SKP2: variants seen among roughly 807,000 people sequenced by gnomAD.
The protein encoded by SKP2 is S-phase kinase associated protein 2, also known as S-phase kinase-associated protein 2.
A neutral mutation model predicts 51.8 loss-of-function variants in SKP2; 16 were observed. That is an observed-to-expected ratio of 0.31 (90% CI 0.21 to 0.47). The LOEUF (loss-of-function observed/expected upper bound fraction) is 0.47. Among genes scored for constraint, SKP2 ranks in the 20% least tolerant of loss-of-function variants. SKP2 has a pLI of 1.00. For missense variants in SKP2, 377 were observed against 505.3 expected (o/e 0.75, Z 2.43); for synonymous variants, 176 against 198.6 (o/e 0.89, Z 0.96).
At chr5:36,181,759 T>C in intron 9 of SKP2, 59 bp from the exon 10 acceptor site, 1 of 1,589,288 alleles carries the variant, frequency 6.3e-7, no homozygotes, top group Non-Finnish European at 8.6e-7. Context: ...GTCATATAAC[T>C]CTAGTCAAAC....
chr5:36,168,838 C>T (rs1445361127), intron 5 of SKP2, among the ~76,000 whole-genome samples: 2 of 152,166 alleles, frequency 1.3e-5, no homozygotes, highest in Admixed American at 1.3e-4. Flanking sequence ...TATTTATGAG[C>T]AAGACAGATA....
chr5:36,166,725 C>CATT, intron 4 of SKP2, 63 bp downstream of exon 4: 2 of 902,382 alleles, frequency 2.2e-6, no homozygotes, highest in Non-Finnish European at 3.3e-6. Context: ...CAGATCAAAG[C>CATT]TTTTTTTTTT....
chr5:36,185,541 T>C (rs1220167110), downstream of SKP2, among the ~76,000 whole-genome samples: 1 of 152,208 alleles, frequency 6.6e-6, no homozygotes. Context: ...TTTGTCAGGT[T>C]TGTCAAAGAT....
intron 1 of SKP2, 76 bp downstream of exon 1, chr5:36,152,346 C>T (rs1744759139): frequency 7.5e-7 from 1 of 1,339,300 alleles, no homozygotes; most frequent in Admixed American, 1.7e-5. Flanking sequence ...AATATCGCTA[C>T]TGGCTAATAT....
rs1745879664 is a variant in SKP2 at position 36,183,470 on chromosome 5, T to C, written c.*1439T>C. On this transcript the variant is annotated 3_prime_UTR_variant, in exon 10 of 10. Coordinates refer to ENST00000274255, the MANE Select transcript of SKP2 (RefSeq NM_005983.4). ...TTTTAGTAGAGACGGGGTTTCACCA[T>C]GTTAGCCAGGATGGTCTCAATCTCC... 2.7e-6 allele frequency: 1 copy of C among 375,252 alleles called. No individual in the cohort carries two copies. Among genetic ancestry groups the C allele is most frequent in the Admixed American group, 6.4e-5 (1 of 15,526 alleles). 23.2% of individuals were successfully genotyped at this position (375,252 alleles called of 1,614,324 possible).
intron 9 of SKP2, among the ~76,000 whole-genome samples, chr5:36,179,692 A>G (rs1745742369): frequency 6.6e-6 from 1 of 152,176 alleles, no homozygotes; most frequent in South Asian, 2.1e-4. Context: ...GGTAAGGAGC[A>G]ATCCTGTGAA....
At chr5:36,165,686 A>G (rs1053294593) in intron 3 of SKP2, among the ~76,000 whole-genome samples, 1 of 152,246 alleles carries the variant, frequency 6.6e-6, no homozygotes, top group Admixed American at 6.5e-5. Context: ...AAGTTATTTC[A>G]TAACTCTGGC....
intron 9 of SKP2, 40 bp from the exon 10 acceptor site, chr5:36,181,778 T>C (rs968942385): frequency 1.2e-6 from 2 of 1,609,588 alleles, no homozygotes; most frequent in Non-Finnish European, 1.7e-6. Flanking sequence ...ACAGTTTCCA[T>C]AGATACTGCT....
intron 6 of SKP2, among the ~76,000 whole-genome samples, 195 bp downstream of exon 6, chr5:36,170,637 A>G (rs1745440728): frequency 6.6e-6 from 1 of 152,186 alleles, no homozygotes; most frequent in Non-Finnish European, 1.5e-5. Flanking sequence ...TGCAAGTGAT[A>G]CTTGTATAGT....
rs1745656554 is a variant in SKP2, at chr5:36,177,034, T to C, written c.953+18T>C. ...GACTTAAGGTATTTTTTTATTTGTT[T>C]ATTTTAGATCAAAAGTTGAAAAATC... On this transcript the variant is annotated intron_variant, in intron 8 of 9. Transcript: ENST00000274255. 10 of 1,550,750 alleles carry C rather than the reference T, an allele frequency of 6.4e-6. No individual in the cohort carries two copies. Among genetic ancestry groups the C allele is most frequent in the African/African-American group, 1.4e-5 (1 of 73,280 alleles).
chr5:36,161,621 T>C (rs1745123948), intron 2 of SKP2, among the ~76,000 whole-genome samples: 1 of 152,200 alleles, frequency 6.6e-6, no homozygotes, highest in Non-Finnish European at 1.5e-5. Flanking sequence ...GTACTAAGCA[T>C]TGTGGACTTT....
intron 7 of SKP2, 60 bp downstream of exon 7, chr5:36,171,793 G>T: frequency 1.3e-6 from 2 of 1,531,646 alleles, no homozygotes; most frequent in East Asian, 4.5e-5. Context: ...GAGATTCATT[G>T]AGCTTCTCCT....
At chr5:36,154,819 G>A (rs1004661714) in intron 2 of SKP2, among the ~76,000 whole-genome samples, 5 of 152,304 alleles carry the variant, frequency 3.3e-5, no homozygotes, top group African/African-American at 1.2e-4. Flanking sequence ...GGGATTACAG[G>A]CATGAGCCAC....
intron 6 of SKP2, among the ~76,000 whole-genome samples, chr5:36,190,591 T>C (rs947520294): frequency 6.7e-6 from 1 of 149,702 alleles, no homozygotes; most frequent in African/African-American, 2.5e-5. Context: ...TCCATTCGAA[T>C]GGTAGAATGG....
At chr5:36,171,070 T>A (rs917219094) in intron 6 of SKP2, among the ~76,000 whole-genome samples, 1 of 152,220 alleles carries the variant, frequency 6.6e-6, no homozygotes, top group South Asian at 2.1e-4. Flanking sequence ...TGAGATCAAA[T>A]GTATAGCCCT....
chr5:36,193,426 A>T (rs1746095717), intron 7 of SKP2: 1 of 149,000 alleles, frequency 6.7e-6, no homozygotes, highest in Admixed American at 6.8e-5. Context: ...CAGAGCCGAG[A>T]TCATGCCACT....
At chr5:36,155,048 A>T (rs866073818) in intron 2 of SKP2, 1 of 152,214 alleles carries the variant, frequency 6.6e-6, no homozygotes, top group Admixed American at 6.5e-5. Context: ...ATTTAAGTAT[A>T]TTCATAAATT....
intron 6 of SKP2, among the ~76,000 whole-genome samples, chr5:36,192,394 T>C (rs959328661): frequency 6.6e-5 from 10 of 152,324 alleles, no homozygotes; most frequent in Admixed American, 6.5e-4. Flanking sequence ...AGTATAAGGA[T>C]GCATAAATAA....
rs190428771 is a variant in SKP2 at position 36,189,515 on chromosome 5, G to C, written c.633-3106G>C. Among the ~76,000 whole-genome samples the C allele has an allele frequency of 4.4e-3, 672 of 152,332 alleles. 7 individuals carry two copies. Among genetic ancestry groups the C allele is most frequent in the African/African-American group, 0.015 (634 of 41,586 alleles). ...GACGCTGTTTGCCTGGGTATCAGCA[G>C]CGGAGGCTGCAGAACAGCGAATATT... On this transcript the variant is annotated intron_variant, in intron 6 of 7. Transcript: ENST00000677886.
Sources: gnomAD v4.1 joint callset for allele counts (sites outside exome capture counted in the v4.1 genomes callset) on GRCh38, gnomAD v4.1.1 for gene constraint, MANE v1.5 for transcripts, NCBI Gene and HGNC (gene_info 2026-07-23, HGNC 2026-07-21) for gene names.